RIMBP2: variants seen among roughly 807,000 people sequenced by gnomAD.
RIMBP2 encodes the protein RIMS binding protein 2, also known as RIMS-binding protein 2.
A neutral mutation model predicts 118.6 loss-of-function variants in RIMBP2; 48 were observed. That is an observed-to-expected ratio of 0.40 (90% CI 0.32 to 0.51). The LOEUF is 0.51. Ranked by LOEUF, RIMBP2 falls within the 20% of genes least tolerant of loss-of-function variation. The pLI is 0.41. For synonymous variants in RIMBP2, 762 were observed against 742.9 expected, an observed-to-expected ratio of 1.03 and a Z score of -0.42; for missense variants, 1,551 against 1,768.3, an observed-to-expected ratio of 0.88 and a Z score of 2.20.
rs533089384 is a variant in RIMBP2 at position 130,683,416 on chromosome 12, C to A, written c.-352+32806G>T. 6.6e-6 allele frequency among the ~76,000 whole-genome samples: 1 copy of A among 152,308 alleles called. No individual in the cohort carries two copies. Among genetic ancestry groups the A allele is most frequent in the African/African-American group, 2.4e-5 (1 of 41,562 alleles). ...GATGCATTCAGGTTGTAAAGGCCCCCAGCTCTGATCACTGGCAATGAATGA... is the reference window on the plus strand; with the variant it reads ...GATGCATTCAGGTTGTAAAGGCCCCAAGCTCTGATCACTGGCAATGAATGA... On this transcript the variant is annotated intron_variant, in intron 1 of 22. Coordinates refer to ENST00000690449, the MANE Select transcript of RIMBP2 (RefSeq NM_001393629.1). The surrounding 1 kb of genome is among the most constrained non-coding windows in gnomAD (Gnocchi z 4.4).
chr12:130,438,337 C>CGGGGGGGGGGGG, intron 12 of RIMBP2, 28 bp downstream of exon 12: 1 of 1,214,104 alleles, frequency 8.2e-7, no homozygotes, highest in Non-Finnish European at 1.2e-6. Flanking sequence ...CCTAACAAAC[C>CGGGGGGGGGGGG]CTCCCCACCC....
intron 21 of RIMBP2, among the ~76,000 whole-genome samples, 190 bp downstream of exon 21, chr12:130,405,982 C>T (rs2075134402): frequency 6.6e-6 from 1 of 152,208 alleles, no homozygotes; most frequent in Non-Finnish European, 1.5e-5. Flanking sequence ...ATGAAGTTCA[C>T]AGTCCCAACT....
intron 2 of RIMBP2, among the ~76,000 whole-genome samples, chr12:130,610,221 T>C (rs2060441226): frequency 6.6e-6 from 1 of 150,928 alleles, no homozygotes; most frequent in Non-Finnish European, 1.5e-5. Flanking sequence ...TCCCTCCCGT[T>C]CTGGGGGAAA....
chr12:130,548,498 C>T (rs1171825807), intron 2 of RIMBP2, among the ~76,000 whole-genome samples: 2 of 152,164 alleles, frequency 1.3e-5, no homozygotes, highest in Non-Finnish European at 2.9e-5. Flanking sequence ...CAAAACTGCC[C>T]TTAAAATTCC....
chr12:130,692,261 C>T (rs2065343417), intron 1 of RIMBP2, among the ~76,000 whole-genome samples: 1 of 152,090 alleles, frequency 6.6e-6, no homozygotes, highest in South Asian at 2.1e-4. Context: ...GGGGGGCCCC[C>T]CAGGGCCTTG....
intron 13 of RIMBP2, among the ~76,000 whole-genome samples, chr12:130,436,275 G>C (rs1416266276): frequency 6.6e-6 from 1 of 152,194 alleles, no homozygotes; most frequent in Non-Finnish European, 1.5e-5. Flanking sequence ...GAAAAGTTCA[G>C]TTAGCAGGCA....
intron 2 of RIMBP2, among the ~76,000 whole-genome samples, chr12:130,524,951 AGT>A (rs979320751): frequency 1.3e-5 from 2 of 152,158 alleles, no homozygotes; most frequent in South Asian, 2.1e-4. Context: ...GGGCTTGGTG[AGT>A]GTGAGACCCC....
chr12:130,640,788 C>T (rs962228871), intron 1 of RIMBP2, among the ~76,000 whole-genome samples: 1 of 152,152 alleles, frequency 6.6e-6, no homozygotes, highest in Non-Finnish European at 1.5e-5. Context: ...TCCTGTGCCA[C>T]CCCCTAAGTT....
rs111451977 is a variant in RIMBP2 at position 130,646,058 on chromosome 12, A to G, written c.-351-17602T>C. On this transcript the variant is annotated intron_variant, in intron 1 of 22. Transcript: ENST00000690449. ...AGCCAGTTCCCTCTCCACCTCCCTC[A>G]CCACCTGCCTCTCCACCTCCCTCAC... Among the ~76,000 whole-genome samples, 25 of 114,360 alleles carry G rather than the reference A, an allele frequency of 2.2e-4. 1 individual carries two copies. Among genetic ancestry groups the G allele is most frequent in the African/African-American group, 5.4e-4 (17 of 31,508 alleles). The allele number at this position is 114,360 out of a possible 152,430, so 75.0% of individuals were successfully genotyped here. A position where few individuals can be genotyped will look rare whatever the true frequency, so the allele number is the denominator to read the frequency against.
At chr12:130,642,588 G>T (rs573680672) in intron 1 of RIMBP2, among the ~76,000 whole-genome samples, 1 of 152,156 alleles carries the variant, frequency 6.6e-6, no homozygotes, top group African/African-American at 2.4e-5. Flanking sequence ...CCCAGCCTGG[G>T]TTTAGTCTTA....
rs142181022 is a variant in RIMBP2, at chr12:130,664,284, G to A, written c.-351-35828C>T. ...GGAGAGGCTGGAATAAAACATGTGC[G>A]GTTAAACTGGATTTGAAGGCATCAA... On this transcript the variant is annotated intron_variant, in intron 1 of 22. Transcript: ENST00000690449. Among the ~76,000 whole-genome samples the A allele has an allele frequency of 9.9e-5, 15 of 151,632 alleles. No individual in the cohort carries two copies. The South Asian group carries it at 1.2e-3, about 13-fold the overall frequency.
chr12:130,550,125 T>C (rs983210330), intron 2 of RIMBP2, among the ~76,000 whole-genome samples: 1 of 152,212 alleles, frequency 6.6e-6, no homozygotes, highest in Non-Finnish European at 1.5e-5. Flanking sequence ...CAAAGGGTAG[T>C]TATCGACTAC....
chr12:130,637,858 G>A lies in RIMBP2; in HGVS notation c.-351-9402C>T, dbSNP rs535139330. Among the ~76,000 whole-genome samples the A allele has an allele frequency of 5.9e-5, 9 of 152,286 alleles. No individual in the cohort carries two copies. The East Asian group carries it at 7.7e-4, about 13-fold the overall frequency. On this transcript the variant is annotated intron_variant, in intron 1 of 22. Transcript: ENST00000690449. ...ATGAGCAGATTCCCTGGGTCCTGCC[G>A]GCTTTACTGACTTTGGTTATTAAGA...
intron 6 of RIMBP2, chr12:130,465,689 T>G (rs570494901): frequency 6.6e-6 from 1 of 152,162 alleles, no homozygotes; most frequent in Non-Finnish European, 1.5e-5. Context: ...TAAATATGAC[T>G]GTATTTCTCA....
intron 1 of RIMBP2, among the ~76,000 whole-genome samples, chr12:130,636,364 G>A (rs141565553): frequency 5.6e-4 from 86 of 152,296 alleles, no homozygotes; most frequent in Non-Finnish European, 1.0e-3. Flanking sequence ...CTAGAACCAC[G>A]TGGAGATTGG....
chr12:130,586,472 A>G (rs1387160658), intron 2 of RIMBP2, among the ~76,000 whole-genome samples: 1 of 152,176 alleles, frequency 6.6e-6, no homozygotes, highest in Non-Finnish European at 1.5e-5. Flanking sequence ...AAGAAGAAGA[A>G]GAAGAGATGG....
rs2076461498 is a variant in RIMBP2 at position 130,422,236 on chromosome 12, G to A, written c.3238+217C>T. On this transcript the variant is annotated intron_variant, in intron 17 of 22. Transcript: ENST00000690449. The surrounding 1 kb of genome is among the most constrained non-coding windows in gnomAD (Gnocchi z 5.2). ...AGCTCTCCAGGAAAAAATCAGCTGG[G>A]AGAACATGGATGTAGAAGGCCAATT... 6.6e-6 allele frequency among the ~76,000 whole-genome samples: 1 copy of A among 152,196 alleles called. No homozygotes were observed. Among genetic ancestry groups the A allele is most frequent in the Non-Finnish European group, 1.5e-5 (1 of 68,042 alleles).
At chr12:130,682,678 CT>C (rs1419425452) in intron 1 of RIMBP2, among the ~76,000 whole-genome samples, 4 of 152,206 alleles carry the variant, frequency 2.6e-5, no homozygotes, top group Non-Finnish European at 5.9e-5. Flanking sequence ...GATCGATTTC[CT>C]TGTGTCACTT....
At chr12:130,589,952 C>A (rs930156077) in intron 2 of RIMBP2, among the ~76,000 whole-genome samples, 1 of 152,146 alleles carries the variant, frequency 6.6e-6, no homozygotes, top group Non-Finnish European at 1.5e-5. Context: ...GGCACTGGCA[C>A]GGCCCCCTCG....
Sources: gnomAD v4.1 joint callset for allele counts (sites outside exome capture counted in the v4.1 genomes callset) on GRCh38, gnomAD v4.1.1 for gene constraint, Gnocchi (gnomAD v3.1) non-coding constraint, MANE v1.5 for transcripts, NCBI Gene and HGNC (gene_info 2026-07-23, HGNC 2026-07-21) for gene names.